Variants in LCA5 observed in about 807,000 individuals in gnomAD.
LCA5 encodes lebercilin LCA5.
LCA5 carries 37 observed loss-of-function variants against 53.0 expected under a neutral mutation model. The ratio of observed to expected loss-of-function variants is 0.70; its 90% CI spans 0.54 to 0.92. LCA5 has a LOEUF of 0.92. Ranked by LOEUF, LCA5 falls within the 40% of genes least tolerant of loss-of-function variation. The pLI is 0.00. For missense variants in LCA5, 806 were observed against 790.5 expected (o/e 1.02, Z -0.23); for synonymous variants, 303 against 282.9 (o/e 1.07, Z -0.71).
At chr6:79,491,023 A>G (rs935684489) in intron 6 of LCA5, among the ~76,000 whole-genome samples, 3 of 150,752 alleles carry the variant, frequency 2.0e-5, no homozygotes, top group African/African-American at 7.4e-5. Context: ...GTCAGTTAAC[A>G]TGTAAAATTC....
chr6:79,495,934 G>A (rs1769972274), intron 3 of LCA5, among the ~76,000 whole-genome samples: 1 of 151,922 alleles, frequency 6.6e-6, no homozygotes, highest in African/African-American at 2.4e-5. Context: ...CTGTTCAGTG[G>A]TCAACTATAT....
In LCA5 at chr6:79,499,066, G is replaced by A. The variant is rs367925410; in HGVS notation, c.721-5316C>T. Reference sequence around the variant, plus strand: ...GCACCTATCCCAAGAAGCAAAGAACGAGAGTAGTTTCACATTCAAAACAAT... The same window carrying A: ...GCACCTATCCCAAGAAGCAAAGAACAAGAGTAGTTTCACATTCAAAACAAT... On this transcript the variant is annotated intron_variant, in intron 3 of 7. Transcript: ENST00000369846. Among the ~76,000 whole-genome samples the A allele has an allele frequency of 6.6e-5, 10 of 152,046 alleles. No homozygotes were observed. The East Asian group carries it at 1.2e-3, about 18-fold the overall frequency.
chr6:79,528,349 A>T (rs1766853931), intron 1 of LCA5, among the ~76,000 whole-genome samples: 1 of 152,142 alleles, frequency 6.6e-6, no homozygotes, highest in African/African-American at 2.4e-5. Flanking sequence ...CCCACATCCC[A>T]AACATCAGTG....
Position 79,486,050 on chromosome 6 carries a change from ATTG to A in LCA5, c.*951_*953del, listed in dbSNP as rs2127664585. On this transcript the variant is annotated 3_prime_UTR_variant, in exon 8 of 8. Coordinates refer to ENST00000369846, the MANE Select transcript of LCA5 (RefSeq NM_001122769.3). Reference sequence around the variant, plus strand: ...CCTGTAAGTCCAATAGTATTACACTATTGTTGTCTCCTTGGTTTGAGGACAAGT... The same window carrying A: ...CCTGTAAGTCCAATAGTATTACACTATTGTCTCCTTGGTTTGAGGACAAGT... The A allele has an allele frequency of 6.6e-6, 1 of 152,334 alleles. No individual in the cohort carries two copies. The highest frequency in any genetic ancestry group is 2.4e-5 in the African/African-American group (1 of 41,580). The allele number at this position is 152,334 out of a possible 1,614,324, so 9.4% of individuals were successfully genotyped here.
At chr6:79,525,627 T>C (rs1443030775) in intron 1 of LCA5, among the ~76,000 whole-genome samples, 1 of 152,172 alleles carries the variant, frequency 6.6e-6, no homozygotes, top group Middle Eastern at 3.2e-3. Context: ...ACACAAAATG[T>C]CTCAAAGGCA....
rs796728905 is a variant in LCA5, at chr6:79,505,457, T to A, written c.720+7755A>T. ...ATAATAAGGACTTAATTGGGGGGCATAAATATAATTTACCATGTTAAAAAC... is the reference window on the plus strand; with the variant it reads ...ATAATAAGGACTTAATTGGGGGGCAAAAATATAATTTACCATGTTAAAAAC... On this transcript the variant is annotated intron_variant, in intron 3 of 7. Coordinates refer to ENST00000369846, the MANE Select transcript of LCA5 (RefSeq NM_001122769.3). 2.6e-5 allele frequency among the ~76,000 whole-genome samples: 4 copies of A among 152,290 alleles called. No individual in the cohort carries two copies. In the East Asian group the frequency reaches 7.7e-4, roughly 29 times the overall value.
chr6:79,520,490 T>A (rs937591624), intron 1 of LCA5, among the ~76,000 whole-genome samples: 5 of 152,152 alleles, frequency 3.3e-5, no homozygotes. Context: ...TAATTTTATC[T>A]CTCCATTAAC....
intron 3 of LCA5, among the ~76,000 whole-genome samples, chr6:79,506,978 T>A (rs1485068812): frequency 1.3e-5 from 2 of 152,206 alleles, no homozygotes; most frequent in Non-Finnish European, 2.9e-5. Context: ...TGGTTTCATC[T>A]TCCTCCATTG....
chr6:79,495,276 T>C (rs984558298), intron 3 of LCA5, among the ~76,000 whole-genome samples: 22 of 152,284 alleles, frequency 1.4e-4, no homozygotes, highest in Non-Finnish European at 2.1e-4. Flanking sequence ...ATGGAAAAAC[T>C]GTCTTCCACG....
intron 1 of LCA5, among the ~76,000 whole-genome samples, chr6:79,522,572 G>A (rs1383427364): frequency 6.6e-6 from 1 of 151,998 alleles, no homozygotes; most frequent in Non-Finnish European, 1.5e-5. Context: ...AGAGAAGAGG[G>A]TATTTATATA....
chr6:79,523,254 T>C (rs1210852230), intron 1 of LCA5, among the ~76,000 whole-genome samples: 2 of 152,220 alleles, frequency 1.3e-5, no homozygotes, highest in East Asian at 3.9e-4. Context: ...CAAGTACTAA[T>C]ATTAAAAATA....
Position 79,513,738 on chromosome 6 carries a change from G to A in LCA5, c.194C>T (p.Pro65Leu). ...TAGACCCTTAGGGCTTGGTTTCCGA[G>A]GGGCTAAAAAAGAAACAGGAATAAT... The part of the protein sequence containing the change: ...TSDGQVHHQA[P>L]RKPSPKGLPN... Residue 65 changes from proline (P) to leucine (L), a missense_variant, in exon 3 of 8, where the codon CCT becomes CTT. Transcript: ENST00000369846. The A allele has an allele frequency of 1.2e-6, 2 of 1,613,266 alleles. No homozygotes were observed. The highest frequency in any genetic ancestry group is 1.1e-5 in the South Asian group (1 of 91,044).
At chr6:79,494,606 C>T (rs1769930593) in intron 3 of LCA5, among the ~76,000 whole-genome samples, 1 of 151,910 alleles carries the variant, frequency 6.6e-6, no homozygotes, top group Non-Finnish European at 1.5e-5. Context: ...TTGTGATAAT[C>T]ACTGCCAACA....
intron 3 of LCA5, among the ~76,000 whole-genome samples, chr6:79,510,064 G>A (rs1367991279): frequency 6.6e-6 from 1 of 152,108 alleles, no homozygotes; most frequent in Non-Finnish European, 1.5e-5. Flanking sequence ...TTTAAAATGA[G>A]ATATAACATG....
chr6:79,504,263 C>T (rs749953768), intron 3 of LCA5, among the ~76,000 whole-genome samples: 2 of 152,238 alleles, frequency 1.3e-5, no homozygotes, highest in East Asian at 1.9e-4. Context: ...TAAAAACTTA[C>T]GTTTAATGCT....
intron 3 of LCA5, among the ~76,000 whole-genome samples, chr6:79,503,786 CTGTG>C (rs111771688): frequency 6.6e-6 from 1 of 152,078 alleles, no homozygotes; most frequent in African/African-American, 2.4e-5. Flanking sequence ...GAATTTGAAA[CTGTG>C]TGTGTGTGCG....
intron 1 of LCA5, among the ~76,000 whole-genome samples, chr6:79,523,241 T>C (rs533311927): frequency 2.0e-5 from 3 of 152,232 alleles, no homozygotes; most frequent in Admixed American, 6.5e-5. Flanking sequence ...ACAATTCCTA[T>C]GGCAAGTACT....
At position 79,491,592 on chromosome 6, in the gene LCA5, G is replaced by A. The variant is rs757095417; in HGVS notation, c.1094C>T (p.Thr365Ile). ...ENKWEEPGHL[T>I]LDLQSQKQDR... Reference sequence around the variant, plus strand: ...TAACAATACTGCTAAACTCACCAAAGTAAGATGTCCTGGTTCTTCCCATTT... The same window carrying A: ...TAACAATACTGCTAAACTCACCAAAATAAGATGTCCTGGTTCTTCCCATTT... The change falls in exon 6 of 8, where the codon ACT (threonine) becomes ATT (isoleucine). Residue 365 changes from threonine (T) to isoleucine (I), a missense_variant. Transcript: ENST00000369846. The A allele has an allele frequency of 6.2e-7, 1 of 1,612,764 alleles. No homozygotes were observed. The highest frequency in any genetic ancestry group is 1.1e-5 in the South Asian group (1 of 91,074).
Position 79,518,845 on chromosome 6 carries a change from C to T in LCA5, c.50G>A (p.Gly17Asp). The change falls in exon 2 of 8, where the codon GGC (glycine) becomes GAC (aspartate). Residue 17 changes from glycine to aspartate, a missense_variant. Coordinates refer to ENST00000369846, the MANE Select transcript of LCA5 (RefSeq NM_001122769.3). The stretch of plus-strand genomic sequence containing the variant: ...AGATAAGTAAGAATAATGGTGTTTG[C>T]CTGCCTTTCTTTCTTGATCAGTACC... ...SPGTDQERKA[G>D]KHHYSYLSDF... 6.2e-7 allele frequency: 1 copy of T among 1,614,104 alleles called. No homozygotes were observed. The highest frequency in any genetic ancestry group is 8.5e-7 in the Non-Finnish European group (1 of 1,180,006).
Sources: gnomAD v4.1 joint callset for allele counts (sites outside exome capture counted in the v4.1 genomes callset) on GRCh38, gnomAD v4.1.1 for gene constraint, MANE v1.5 for transcripts, NCBI Gene and HGNC (gene_info 2026-07-23, HGNC 2026-07-21) for gene names.